ADAM12: variants seen among roughly 807,000 people sequenced by gnomAD.
The protein encoded by ADAM12 is disintegrin and metalloproteinase domain-containing protein 12.
Under a neutral mutation model 106.4 loss-of-function variants are expected in ADAM12, and 70 were observed. That is an observed-to-expected ratio of 0.66 (90% CI 0.54 to 0.80). The LOEUF is 0.80. Among genes scored for constraint, ADAM12 ranks in the 30% least tolerant of loss-of-function variants. The pLI, the probability that ADAM12 is intolerant of heterozygous loss-of-function variation, is 0.00. For missense variants in ADAM12, 1,010 were observed against 1,171.9 expected, an observed-to-expected ratio of 0.86 and a Z score of 2.02; for synonymous variants, 420 against 433.5, an observed-to-expected ratio of 0.97 and a Z score of 0.39.
At chr10:126,185,569 T>C (rs113848248) in intron 3 of ADAM12, among the ~76,000 whole-genome samples, 2 of 151,870 alleles carry the variant, frequency 1.3e-5, no homozygotes, top group African/African-American at 4.8e-5. Flanking sequence ...ATGGGTGAGA[T>C]TACAAGTGGA....
chr10:126,106,525 C>A (rs2133592617), intron 8 of ADAM12, among the ~76,000 whole-genome samples: 1 of 143,436 alleles, frequency 7.0e-6, no homozygotes, highest in African/African-American at 2.6e-5. Flanking sequence ...CTCGCTCTGT[C>A]ACCAGGCTAG....
chr10:126,333,488 G>A (rs1161198640), intron 1 of ADAM12, among the ~76,000 whole-genome samples: 4 of 152,218 alleles, frequency 2.6e-5, no homozygotes, highest in East Asian at 1.9e-4. Flanking sequence ...GAGATGATGC[G>A]TGAAATCCGG....
intron 3 of ADAM12, among the ~76,000 whole-genome samples, chr10:126,215,239 C>G (rs539052941): frequency 2.9e-4 from 44 of 152,312 alleles, no homozygotes; most frequent in African/African-American, 1.0e-3. Context: ...CCCTTTCTGG[C>G]ATGCAGGGAT....
chr10:126,259,721 T>G (rs1316185635), intron 3 of ADAM12, among the ~76,000 whole-genome samples: 1 of 152,310 alleles, frequency 6.6e-6, no homozygotes, highest in East Asian at 1.9e-4. Context: ...GGGAATAAAG[T>G]CACTCTCTGA....
intron 2 of ADAM12, among the ~76,000 whole-genome samples, chr10:126,315,123 G>A (rs909044489): frequency 4.6e-5 from 7 of 152,334 alleles, no homozygotes; most frequent in Admixed American, 6.5e-5. Context: ...TGAGGTTAAT[G>A]AGCATGATAG....
intron 1 of ADAM12, among the ~76,000 whole-genome samples, chr10:126,353,047 C>T (rs1261601191): frequency 6.6e-6 from 1 of 152,182 alleles, no homozygotes; most frequent in African/African-American, 2.4e-5. Context: ...CTCCACTGCT[C>T]CAGAACATCC....
chr10:126,326,076 CA>C (rs1854290260), intron 2 of ADAM12, among the ~76,000 whole-genome samples: 1 of 152,162 alleles, frequency 6.6e-6, no homozygotes, highest in African/African-American at 2.4e-5. Flanking sequence ...AAGAAAGAGA[CA>C]GAGAACTTGA....
Position 126,339,825 on chromosome 10 carries a change from G to A in ADAM12, c.89-9316C>T, listed in dbSNP as rs918702586. On this transcript the variant is annotated intron_variant, in intron 1 of 22. Transcript: ENST00000448723. ...CAGGGAAATTAAATTTTATTTGAGT[G>A]AAGTGGGAAGCCATTCTAGGGCTTT... 2.7e-5 allele frequency among the ~76,000 whole-genome samples: 4 copies of A among 147,050 alleles called. No individual in the cohort carries two copies. In the East Asian group the frequency reaches 8.4e-4, roughly 31 times the overall value.
intron 6 of ADAM12, among the ~76,000 whole-genome samples, chr10:126,117,036 G>A (rs1259546519): frequency 6.6e-6 from 1 of 152,158 alleles, no homozygotes; most frequent in Non-Finnish European, 1.5e-5. Flanking sequence ...AAGCACAAGC[G>A]ACATCCTATC....
At chr10:126,206,360 G>T (rs2133828408) in intron 3 of ADAM12, among the ~76,000 whole-genome samples, 1 of 152,140 alleles carries the variant, frequency 6.6e-6, no homozygotes, top group Non-Finnish European at 1.5e-5. Context: ...TACTCAGGTG[G>T]GACACTATCC....
At chr10:126,260,234 G>A (rs1023970280) in intron 3 of ADAM12, among the ~76,000 whole-genome samples, 1 of 152,196 alleles carries the variant, frequency 6.6e-6, no homozygotes, top group South Asian at 2.1e-4. Flanking sequence ...AGCGCTTCAC[G>A]CTGCCTGCTA....
At chr10:126,252,952 T>C (rs1408255966) in intron 3 of ADAM12, among the ~76,000 whole-genome samples, 1 of 152,170 alleles carries the variant, frequency 6.6e-6, no homozygotes, top group Non-Finnish European at 1.5e-5. Context: ...AACTTCATGG[T>C]CTTCTTTGGA....
At chr10:126,028,153 A>G (rs993258602) in intron 21 of ADAM12, among the ~76,000 whole-genome samples, 3 of 151,934 alleles carry the variant, frequency 2.0e-5, no homozygotes, top group Admixed American at 2.0e-4. Flanking sequence ...TTCAAGGAGA[A>G]CTACACCACT....
intron 2 of ADAM12, among the ~76,000 whole-genome samples, chr10:126,312,644 T>C (rs1961161268): frequency 6.6e-6 from 1 of 152,160 alleles, no homozygotes; most frequent in South Asian, 2.1e-4. Flanking sequence ...GAATTCGTTG[T>C]AATTAAACCT....
chr10:126,082,225 A>C (rs1278342), intron 11 of ADAM12, among the ~76,000 whole-genome samples: 104,575 of 151,944 alleles, frequency 0.69, 36,325 homozygotes, highest in East Asian at 0.82. Flanking sequence ...GGCCCTTTTC[A>C]TAAAGCTCAT....
chr10:126,320,577 T>C (rs1208307686), intron 2 of ADAM12, among the ~76,000 whole-genome samples: 1 of 152,248 alleles, frequency 6.6e-6, no homozygotes, highest in African/African-American at 2.4e-5. Flanking sequence ...ACTGGTTATA[T>C]GTTGCAACTT....
chr10:126,283,155 C>T (rs527352285), intron 2 of ADAM12, among the ~76,000 whole-genome samples: 7 of 152,082 alleles, frequency 4.6e-5, no homozygotes, highest in Non-Finnish European at 8.8e-5. Context: ...GAACCCAGTG[C>T]CTCCGCTAAT....
intron 14 of ADAM12, among the ~76,000 whole-genome samples, chr10:126,060,279 A>G (rs544809694): frequency 6.6e-6 from 1 of 152,332 alleles, no homozygotes; most frequent in South Asian, 2.1e-4. Context: ...ATAACGCCAG[A>G]TTGAGAAAAG....
chr10:126,345,943 A>C (rs1855122753), intron 1 of ADAM12, among the ~76,000 whole-genome samples: 1 of 151,878 alleles, frequency 6.6e-6, no homozygotes, highest in South Asian at 2.1e-4. Context: ...GAGGTCTATC[A>C]ATTTTGTTGA....
Sources: gnomAD v4.1 joint callset for allele counts (sites outside exome capture counted in the v4.1 genomes callset) on GRCh38, gnomAD v4.1.1 for gene constraint, MANE v1.5 for transcripts, NCBI Gene and HGNC (gene_info 2026-07-23, HGNC 2026-07-21) for gene names.